Variants in PEAK1 observed in about 807,000 individuals in gnomAD.
The protein encoded by PEAK1 is inactive tyrosine-protein kinase PEAK1.
Under a neutral mutation model 124.7 loss-of-function variants are expected in PEAK1, and 54 were observed. That is an observed-to-expected ratio of 0.43 (90% confidence interval 0.35 to 0.54). PEAK1 has a LOEUF of 0.54. Ranked by LOEUF, PEAK1 falls within the 20% of genes least tolerant of loss-of-function variation. The pLI, the probability that PEAK1 is intolerant of heterozygous loss-of-function variation, is 0.01. For synonymous variants in PEAK1, 719 were observed against 760.0 expected, an observed-to-expected ratio of 0.95 and a Z score of 0.89; for missense variants, 2,046 against 2,134.5, an observed-to-expected ratio of 0.96 and a Z score of 0.82.
chr15:77,244,770 G>A (rs181878312), intron 6 of PEAK1, among the ~76,000 whole-genome samples: 188 of 151,968 alleles, frequency 1.2e-3, no homozygotes, highest in African/African-American at 4.5e-3. Context: ...TGTATTTTTA[G>A]TAGAGATGGG....
intron 1 of PEAK1, chr15:77,404,139 A>G (rs996560509): frequency 1.0e-6 from 1 of 985,272 alleles, no homozygotes; most frequent in South Asian, 4.7e-5. Flanking sequence ...CTTGTGTGAC[A>G]TGAAGGTCCA....
downstream of PEAK1, chr15:77,103,989 TC>T (rs1332048297): frequency 6.6e-6 from 1 of 152,472 alleles, no homozygotes; most frequent in Non-Finnish European, 1.5e-5. Flanking sequence ...CAGGAAGCAC[TC>T]CTTGGCTACC....
Position 77,138,459 on chromosome 15 carries a change from GCTTA to G in PEAK1, c.3332-4713_3332-4710del, listed in dbSNP as rs1212578876. ...TTTCTCCAATAATAAATTAACCTTA[GCTTA>G]CTTAACTTTTTAACTTTATAAGCTT... is the stretch of plus-strand genomic sequence containing the variant. On this transcript the variant is annotated intron_variant, in intron 8 of 9. Transcript: ENST00000682557. 8.6e-5 allele frequency among the ~76,000 whole-genome samples: 13 copies of G among 151,960 alleles called. No individual in the cohort carries two copies. The East Asian group carries it at 1.4e-3, about 16-fold the overall frequency.
intron 2 of PEAK1, among the ~76,000 whole-genome samples, chr15:77,320,880 A>C (rs1040436070): frequency 6.6e-6 from 1 of 151,126 alleles, no homozygotes; most frequent in Non-Finnish European, 1.5e-5. Flanking sequence ...TCATTGTTCA[A>C]TTCCCACCTA....
chr15:77,250,171 ATATG>A (rs1316118272), intron 6 of PEAK1, among the ~76,000 whole-genome samples: 6 of 137,556 alleles, frequency 4.4e-5, no homozygotes, highest in Non-Finnish European at 7.7e-5. Flanking sequence ...ATATACATAT[ATATG>A]TATATGTATA....
chr15:77,395,610 A>G (rs2070814623), intron 1 of PEAK1, among the ~76,000 whole-genome samples: 1 of 152,094 alleles, frequency 6.6e-6, no homozygotes, highest in Non-Finnish European at 1.5e-5. Flanking sequence ...CTGGCGGGAG[A>G]CTTTTCAGTG....
chr15:77,255,537 G>C (rs139648154), intron 5 of PEAK1: 1 of 215,772 alleles, frequency 4.6e-6, no homozygotes, highest in East Asian at 1.8e-4. Flanking sequence ...CAAAATATGC[G>C]GCCATATGCA....
At chr15:77,182,929 C>T (rs975841901) in intron 6 of PEAK1, among the ~76,000 whole-genome samples, 2 of 151,666 alleles carry the variant, frequency 1.3e-5, no homozygotes, top group African/African-American at 4.8e-5. Context: ...TGACCAAAAC[C>T]CATGAAATTC....
chr15:77,263,156 G>T (rs142873048), intron 5 of PEAK1, among the ~76,000 whole-genome samples: 3 of 152,232 alleles, frequency 2.0e-5, no homozygotes, highest in Admixed American at 6.5e-5. Flanking sequence ...AACCAAGAAA[G>T]ATCTAAAATT....
intron 5 of PEAK1, among the ~76,000 whole-genome samples, chr15:77,256,308 A>C: frequency 6.6e-6 from 1 of 152,138 alleles, no homozygotes; most frequent in Non-Finnish European, 1.5e-5. Flanking sequence ...AAATGATTTC[A>C]AACCTTTGAC....
chr15:77,308,762 G>A (rs1202298555), intron 2 of PEAK1, among the ~76,000 whole-genome samples: 1 of 152,054 alleles, frequency 6.6e-6, no homozygotes, highest in Non-Finnish European at 1.5e-5. Context: ...TTAAATGCTT[G>A]CTAATGTTGC....
intron 1 of PEAK1, among the ~76,000 whole-genome samples, chr15:77,395,938 T>C (rs535575379): frequency 6.6e-6 from 1 of 152,310 alleles, no homozygotes; most frequent in East Asian, 1.9e-4. Flanking sequence ...ACTGTAATTG[T>C]GGTGTTTAAA....
At chr15:77,367,288 AT>A (rs2141637875) in intron 1 of PEAK1, among the ~76,000 whole-genome samples, 1 of 152,284 alleles carries the variant, frequency 6.6e-6, no homozygotes, top group Admixed American at 6.5e-5. Context: ...TGTCTACTCA[AT>A]TTTTTCATGT....
intron 1 of PEAK1, among the ~76,000 whole-genome samples, chr15:77,398,735 T>C (rs189882060): frequency 7.2e-5 from 11 of 152,254 alleles, no homozygotes; most frequent in South Asian, 2.1e-4. Flanking sequence ...ACCACTGTTA[T>C]TCAAAATAAT....
At chr15:77,125,104 T>C (rs1176061067) in intron 9 of PEAK1, among the ~76,000 whole-genome samples, 1 of 152,216 alleles carries the variant, frequency 6.6e-6, no homozygotes, top group Non-Finnish European at 1.5e-5. Context: ...AATATCACAA[T>C]GTTTTATACA....
chr15:77,339,114 A>AC (rs1327050851), intron 2 of PEAK1, among the ~76,000 whole-genome samples: 76 of 148,926 alleles, frequency 5.1e-4, no homozygotes, highest in Middle Eastern at 3.4e-3. Flanking sequence ...AAATGTTAAG[A>AC]CTTTTTTTTT....
At chr15:77,196,437 T>G (rs2058106313) in intron 6 of PEAK1, among the ~76,000 whole-genome samples, 1 of 152,214 alleles carries the variant, frequency 6.6e-6, no homozygotes, top group African/African-American at 2.4e-5. Context: ...TTATACTATC[T>G]TGGATCAACA....
intron 8 of PEAK1, among the ~76,000 whole-genome samples, chr15:77,148,417 C>T (rs1315842260): frequency 6.6e-6 from 1 of 152,134 alleles, no homozygotes; most frequent in Non-Finnish European, 1.5e-5. Flanking sequence ...ACAGCTGTCA[C>T]TATTTGTCAC....
chr15:77,401,691 G>C, intron 1 of PEAK1: 1 of 984,772 alleles, frequency 1.0e-6, no homozygotes. Context: ...AATTAACACA[G>C]AGCATAATGT....
Sources: gnomAD v4.1 joint callset for allele counts (sites outside exome capture counted in the v4.1 genomes callset) on GRCh38, gnomAD v4.1.1 for gene constraint, MANE v1.5 for transcripts, NCBI Gene and HGNC (gene_info 2026-07-23, HGNC 2026-07-21) for gene names.